Variants in PTK2B observed in about 807,000 individuals in gnomAD.
PTK2B encodes the protein protein tyrosine kinase 2 beta.
In PTK2B, 71 loss-of-function variants were observed where a neutral mutation model predicts 142.9. That is an observed-to-expected ratio of 0.50 (90% confidence interval 0.41 to 0.61). The LOEUF (loss-of-function observed/expected upper bound fraction) is 0.61. Ranked by LOEUF, PTK2B falls within the 20% of genes least tolerant of loss-of-function variation. The probability of loss-of-function intolerance (pLI) is 0.00; values close to 1 mark genes in which losing one functional copy is unlikely to be tolerated. For missense variants in PTK2B, 1,105 were observed against 1,320.4 expected (o/e 0.84, Z 2.53); for synonymous variants, 519 against 503.4 (o/e 1.03, Z -0.42).
upstream of PTK2B, among the ~76,000 whole-genome samples, chr8:27,322,167 T>C (rs552669693): frequency 8.5e-5 from 13 of 152,176 alleles, no homozygotes; most frequent in Non-Finnish European, 1.6e-4. Flanking sequence ...GTTTTTGTAT[T>C]TATCCATTTT....
At chr8:27,456,225 A>AT (rs1812131701) in intron 30 of PTK2B, among the ~76,000 whole-genome samples, 1 of 152,142 alleles carries the variant, frequency 6.6e-6, no homozygotes, top group African/African-American at 2.4e-5. Flanking sequence ...CAGATATTTC[A>AT]TTTTTTACAA....
chr8:27,404,736 C>T (rs1425013013), intron 2 of PTK2B, among the ~76,000 whole-genome samples: 1 of 152,196 alleles, frequency 6.6e-6, no homozygotes, highest in East Asian at 1.9e-4. Context: ...CCCTTCGCTC[C>T]TTAAACCCAT....
intron 2 of PTK2B, among the ~76,000 whole-genome samples, chr8:27,410,629 A>G (rs1255413907): frequency 6.6e-6 from 1 of 152,264 alleles, no homozygotes; most frequent in African/African-American, 2.4e-5. Context: ...GCCTGAGAAA[A>G]TAGTGAGACA....
At chr8:27,336,301 A>G (rs929469956) in intron 1 of PTK2B, among the ~76,000 whole-genome samples, 1 of 152,210 alleles carries the variant, frequency 6.6e-6, no homozygotes, top group Non-Finnish European at 1.5e-5. Flanking sequence ...ATCTCTCATA[A>G]GATATTATCA....
chr8:27,406,050 G>T (rs990150457), intron 2 of PTK2B, among the ~76,000 whole-genome samples: 3 of 152,214 alleles, frequency 2.0e-5, no homozygotes, highest in Admixed American at 2.0e-4. Context: ...CAGGGACTCA[G>T]TTCTCCTGAA....
At chr8:27,350,645 G>A (rs185437553) in intron 1 of PTK2B, among the ~76,000 whole-genome samples, 1 of 152,140 alleles carries the variant, frequency 6.6e-6, no homozygotes, top group Admixed American at 6.5e-5. Context: ...TAACACAAGT[G>A]CGAACTGTTA....
chr8:27,414,908 C>T (rs1274423788), intron 2 of PTK2B, among the ~76,000 whole-genome samples: 1 of 152,114 alleles, frequency 6.6e-6, no homozygotes, highest in African/African-American at 2.4e-5. Context: ...GACCCCTGAC[C>T]TTGCCACCAC....
intron 21 of PTK2B, 51 bp from the exon 22 acceptor site, chr8:27,442,824 G>A (rs778692369): frequency 5.3e-6 from 8 of 1,500,864 alleles, no homozygotes; most frequent in African/African-American, 1.4e-5. Flanking sequence ...GCCCCAAGGA[G>A]CGTCTCACTT....
At chr8:27,327,188 T>G (rs999313995) in intron 1 of PTK2B, among the ~76,000 whole-genome samples, 2 of 152,060 alleles carry the variant, frequency 1.3e-5, no homozygotes, top group African/African-American at 4.8e-5. Context: ...GCTGGGCTTG[T>G]TGGGAACCTA....
rs74639000 is a variant in PTK2B, at chr8:27,452,973, G to A, written c.2549-141G>A. 6.4e-3 allele frequency: 6,234 copies of A among 972,436 alleles called. 262 individuals carry two copies. The African/African-American group carries it at 0.09, about 14-fold the overall frequency. The allele number at this position is 972,436 out of a possible 1,614,324, so 60.2% of individuals were successfully genotyped here. A position where few individuals can be genotyped will look rare whatever the true frequency, so the allele number is the denominator to read the frequency against. On this transcript the variant is annotated intron_variant, in intron 27 of 30. Coordinates refer to ENST00000346049, the MANE Select transcript of PTK2B (RefSeq NM_173176.3). ...GGGAGACCAGGAGGTTCCTTCCCCT[G>A]CCCGCTTCCTGGATTCAGAGTTAAT...
At chr8:27,323,032 C>T (rs1490673727), upstream of PTK2B, among the ~76,000 whole-genome samples, 1 of 152,244 alleles carries the variant, frequency 6.6e-6, no homozygotes, top group East Asian at 1.9e-4. Context: ...CTTGTGGTTT[C>T]AAATGCCATC....
At chr8:27,450,085 A>G (rs868386878) in intron 24 of PTK2B, among the ~76,000 whole-genome samples, 3 of 152,322 alleles carry the variant, frequency 2.0e-5, no homozygotes, top group Middle Eastern at 3.4e-3. Flanking sequence ...TTCTCCTAAC[A>G]TTTAGTTAAA....
chr8:27,314,271 T>C (rs1247228660), intron 3 of PTK2B, among the ~76,000 whole-genome samples: 23 of 152,182 alleles, frequency 1.5e-4, no homozygotes, highest in Admixed American at 1.5e-3. Context: ...CCATGTCACA[T>C]AAAACTATGA....
At chr8:27,329,339 A>G (rs185780778) in intron 1 of PTK2B, among the ~76,000 whole-genome samples, 199 of 152,308 alleles carry the variant, frequency 1.3e-3, no homozygotes, top group African/African-American at 3.9e-3. Context: ...CATCGTGCAG[A>G]GGACCCTGGA....
At chr8:27,342,957 C>T (rs1157421391) in intron 1 of PTK2B, among the ~76,000 whole-genome samples, 1 of 152,192 alleles carries the variant, frequency 6.6e-6, no homozygotes, top group Non-Finnish European at 1.5e-5. Context: ...TCTCGAAACG[C>T]ACCTACCAAG....
At chr8:27,404,337 G>A (rs940786474) in intron 2 of PTK2B, among the ~76,000 whole-genome samples, 7 of 152,194 alleles carry the variant, frequency 4.6e-5, no homozygotes, top group Admixed American at 1.3e-4. Context: ...GGGGTATGGT[G>A]TTGTTCAGAG....
At position 27,414,608 on chromosome 8, in the gene PTK2B, G is replaced by GTGTGTGTGTGTATGTGTGTGTGTT. The variant is rs1554500879; in HGVS notation, c.205-5276_205-5275insATGTGTGTGTGTTTGTGTGTGTGT. Among the ~76,000 whole-genome samples the GTGTGTGTGTGTATGTGTGTGTGTT allele has an allele frequency of 8.3e-4, 123 of 148,980 alleles. 2 individuals are homozygous for GTGTGTGTGTGTATGTGTGTGTGTT. Among genetic ancestry groups the GTGTGTGTGTGTATGTGTGTGTGTT allele is most frequent in the African/African-American group, 1.9e-3 (77 of 40,404 alleles). On this transcript the variant is annotated intron_variant, in intron 2 of 30. Coordinates refer to ENST00000346049, the MANE Select transcript of PTK2B (RefSeq NM_173176.3). ...GCTCAGTTTCTCTCTCTCTCTCTCT[G>GTGTGTGTGTGTATGTGTGTGTGTT]TGTGTGTGTGTGTATCTCTTTCTAT...
chr8:27,347,558 T>C (rs1046703979), intron 1 of PTK2B, among the ~76,000 whole-genome samples: 4 of 152,174 alleles, frequency 2.6e-5, no homozygotes, highest in African/African-American at 9.7e-5. Context: ...GCAAATGCCA[T>C]CTGTTGCCTG....
chr8:27,345,921 C>T (rs1804684055), intron 1 of PTK2B, among the ~76,000 whole-genome samples: 1 of 152,150 alleles, frequency 6.6e-6, no homozygotes, highest in African/African-American at 2.4e-5. Flanking sequence ...GCAGGAGATG[C>T]TCACACCACT....
Sources: allele counts gnomAD v4.1 joint callset (sites outside exome capture counted in the v4.1 genomes callset), GRCh38; gene constraint gnomAD v4.1.1; transcripts MANE v1.5; gene names NCBI Gene and HGNC (gene_info 2026-07-23, HGNC 2026-07-21).